Variants in OTOGL observed in about 807,000 individuals in gnomAD.
OTOGL encodes the protein otogelin-like protein.
In OTOGL, 285 loss-of-function variants were observed where a neutral mutation model predicts 318.5. The observed-to-expected ratio is 0.89, with a 90% CI of 0.81 to 0.99. The LOEUF (loss-of-function observed/expected upper bound fraction) is 0.99, where lower values mean the gene tolerates loss of function less well. Ranked by LOEUF, OTOGL falls within the 50% of genes least tolerant of loss-of-function variation. OTOGL has a pLI of 0.00. For synonymous variants in OTOGL, 987 were observed against 936.5 expected (o/e 1.05, Z -0.99); for missense variants, 2,899 against 2,845.6 (o/e 1.02, Z -0.43).
chr12:80,170,408 A>C (rs1245012), intron 1 of OTOGL, among the ~76,000 whole-genome samples: 2 of 152,084 alleles, frequency 1.3e-5, no homozygotes, highest in Admixed American at 6.6e-5. Flanking sequence ...GATATTTTCT[A>C]CTCATAGTTT....
chr12:80,181,579 T>C (rs1451498023), intron 1 of OTOGL, among the ~76,000 whole-genome samples: 1 of 152,148 alleles, frequency 6.6e-6, no homozygotes, highest in Non-Finnish European at 1.5e-5. Flanking sequence ...TAATCCCTGG[T>C]TGTACCGTTG....
intron 29 of OTOGL, among the ~76,000 whole-genome samples, chr12:80,307,946 G>C (rs1420600339): frequency 1.5e-5 from 2 of 135,408 alleles, no homozygotes; most frequent in Non-Finnish European, 3.1e-5. Context: ...CCTCCCGGAC[G>C]GAGCGGCTGG....
intron 24 of OTOGL, among the ~76,000 whole-genome samples, chr12:80,277,198 T>C (rs1883873983): frequency 6.8e-6 from 1 of 147,050 alleles, no homozygotes; most frequent in Admixed American, 6.8e-5. Flanking sequence ...AATTTTCAAA[T>C]TTAATGTTTT....
At chr12:80,234,384 C>G (rs905575354) in intron 9 of OTOGL, among the ~76,000 whole-genome samples, 1 of 152,052 alleles carries the variant, frequency 6.6e-6, no homozygotes, top group East Asian at 1.9e-4. Context: ...TATAATACTT[C>G]CGTTTTATAT....
intron 32 of OTOGL, 57 bp from the exon 33 acceptor site, chr12:80,318,489 G>C (rs1887111813): frequency 5.3e-6 from 6 of 1,133,598 alleles, no homozygotes; most frequent in Middle Eastern, 4.9e-4. Flanking sequence ...TGAAATGACA[G>C]ATTGAAATTT....
At chr12:80,316,138 C>T (rs1185851819) in intron 32 of OTOGL, among the ~76,000 whole-genome samples, 17 of 152,150 alleles carry the variant, frequency 1.1e-4, no homozygotes, top group Admixed American at 1.1e-3. Flanking sequence ...ATGTGGCAAA[C>T]TGGGATTTGT....
At chr12:80,208,115 A>G (rs990591939) in intron 1 of OTOGL, 6 of 465,382 alleles carry the variant, frequency 1.3e-5, no homozygotes, top group Admixed American at 9.4e-5. Context: ...TTATAATTTT[A>G]GTGAAATTTG....
intron 32 of OTOGL, among the ~76,000 whole-genome samples, chr12:80,315,570 G>T (rs1419415013): frequency 6.6e-6 from 1 of 152,094 alleles, no homozygotes; most frequent in Non-Finnish European, 1.5e-5. Flanking sequence ...TCAGTAAATG[G>T]GTGAACTCTG....
intron 46 of OTOGL, 118 bp from the exon 47 acceptor site, chr12:80,355,618 G>A: frequency 1.4e-6 from 1 of 730,686 alleles, no homozygotes; most frequent in South Asian, 2.2e-5. Context: ...AAAAACAATA[G>A]ACTTGTGACA....
intron 5 of OTOGL, among the ~76,000 whole-genome samples, chr12:80,218,576 T>C (rs1161945220): frequency 6.6e-6 from 1 of 152,150 alleles, no homozygotes; most frequent in Non-Finnish European, 1.5e-5. Context: ...GGAAATTTTT[T>C]CACTGATTCA....
intron 49 of OTOGL, 94 bp from the exon 50 acceptor site, chr12:80,358,154 A>G (rs1890021189): frequency 7.2e-6 from 6 of 830,924 alleles, no homozygotes; most frequent in Admixed American, 2.5e-5. Flanking sequence ...TTCTTAAACA[A>G]AATTGATTTG....
At chr12:80,133,714 G>A (rs1045568627) in intron 1 of OTOGL, 16 of 152,276 alleles carry the variant, frequency 1.1e-4, no homozygotes, top group Admixed American at 9.8e-4. Flanking sequence ...CAGCACTTTG[G>A]TAGGCAGAGG....
chr12:80,121,260 T>A (rs1187363299), intron 1 of OTOGL, among the ~76,000 whole-genome samples: 1 of 152,136 alleles, frequency 6.6e-6, no homozygotes, highest in Non-Finnish European at 1.5e-5. Flanking sequence ...CATGACAATC[T>A]CTAAAGCCAC....
intron 54 of OTOGL, 125 bp downstream of exon 54, chr12:80,367,864 T>C (rs973862544): frequency 3.0e-6 from 2 of 659,586 alleles, no homozygotes; most frequent in Middle Eastern, 4.6e-4. Context: ...TTCAATAGTC[T>C]ACTATTTTGT....
intron 1 of OTOGL, among the ~76,000 whole-genome samples, chr12:80,119,961 G>A (rs764970113): frequency 4.6e-5 from 7 of 152,116 alleles, no homozygotes; most frequent in Non-Finnish European, 1.0e-4. Flanking sequence ...AGAGACTGAG[G>A]TTGATTTGTG....
intron 34 of OTOGL, among the ~76,000 whole-genome samples, chr12:80,322,424 T>C (rs1327496336): frequency 6.6e-6 from 1 of 152,138 alleles, no homozygotes; most frequent in Non-Finnish European, 1.5e-5. Flanking sequence ...TTCTGAAACC[T>C]AGGAAACTCC....
chr12:80,338,962 T>TA, intron 42 of OTOGL, 113 bp from the exon 43 acceptor site: 1 of 906,736 alleles, frequency 1.1e-6, no homozygotes, highest in Non-Finnish European at 1.6e-6. Context: ...ATACATTTCT[T>TA]AAAAAAATTA....
chr12:80,254,470 C>T (rs1881847178), intron 14 of OTOGL, 54 bp from the exon 15 acceptor site: 2 of 1,444,964 alleles, frequency 1.4e-6, no homozygotes, highest in African/African-American at 1.4e-5. Flanking sequence ...TTGATGCAAA[C>T]ATTAATACAG....
At chr12:80,328,228 A>T (rs1712339382) in intron 35 of OTOGL, among the ~76,000 whole-genome samples, 1 of 151,886 alleles carries the variant, frequency 6.6e-6, no homozygotes, top group South Asian at 2.1e-4. Flanking sequence ...CTGAGGTGGG[A>T]AGACCACCTG....
Sources: gnomAD v4.1 joint callset for allele counts (sites outside exome capture counted in the v4.1 genomes callset) on GRCh38, gnomAD v4.1.1 for gene constraint, MANE v1.5 for transcripts, NCBI Gene and HGNC (gene_info 2026-07-23, HGNC 2026-07-21) for gene names.